The following DPP6 variants were observed in gnomAD, a reference collection of about 807,000 sequenced individuals.
DPP6 encodes A-type potassium channel modulatory protein DPP6.
Under a neutral mutation model 122.6 loss-of-function variants are expected in DPP6, and 69 were observed. The ratio of observed to expected loss-of-function variants is 0.56; its 90% CI spans 0.46 to 0.69. The LOEUF (loss-of-function observed/expected upper bound fraction) is 0.69. Among genes scored for constraint, DPP6 ranks in the 30% least tolerant of loss-of-function variants. DPP6 has a pLI of 0.00. For synonymous variants in DPP6, 418 were observed against 433.1 expected, an observed-to-expected ratio of 0.97 and a Z score of 0.43; for missense variants, 928 against 1,116.9, an observed-to-expected ratio of 0.83 and a Z score of 2.41.
chr7:154,408,957 A>G (rs1023808213), intron 1 of DPP6, among the ~76,000 whole-genome samples: 4 of 152,126 alleles, frequency 2.6e-5, no homozygotes, highest in African/African-American at 9.7e-5. Flanking sequence ...CCTGACCAAC[A>G]TGGTGAAACC....
rs1233108779 is a variant in DPP6, at chr7:154,893,279, AG to A, written c.*804del. On this transcript the variant is annotated 3_prime_UTR_variant, in exon 26 of 26. Coordinates refer to ENST00000377770, the MANE Select transcript of DPP6 (RefSeq NM_130797.4). ...GTCTTGGGGACGTTCCTAAACACTG[AG>A]GGGGAAGACAGCCAATAGCACCCAT... The A allele has an allele frequency of 4.1e-6, 1 of 246,732 alleles. No homozygotes were observed. Among genetic ancestry groups the A allele is most frequent in the Non-Finnish European group, 8.1e-6 (1 of 124,180 alleles). 15.3% of individuals were successfully genotyped at this position (246,732 alleles called of 1,614,324 possible).
At chr7:154,410,944 C>T (rs1478768926) in intron 1 of DPP6, among the ~76,000 whole-genome samples, 1 of 152,170 alleles carries the variant, frequency 6.6e-6, no homozygotes, top group Non-Finnish European at 1.5e-5. Context: ...TTTTAGCTGA[C>T]TCTTAGAAAT....
chr7:154,037,803 T>G (rs2533774), intron 1 of DPP6, among the ~76,000 whole-genome samples: 3,339 of 110,888 alleles, frequency 0.03, 77 homozygotes, highest in Middle Eastern at 0.079. Flanking sequence ...AGCTTCCTCT[T>G]GATGGAAGCT....
chr7:153,835,887 G>T, the DPP6 span, among the ~76,000 whole-genome samples: 3 of 152,158 alleles, frequency 2.0e-5, no homozygotes, highest in Non-Finnish European at 4.4e-5. Context: ...CAGTCCAGGG[G>T]GTGGAATTAT....
intron 1 of DPP6, among the ~76,000 whole-genome samples, chr7:153,889,606 A>AC (rs1434745187): frequency 1.4e-4 from 21 of 151,866 alleles, no homozygotes; most frequent in Admixed American, 1.4e-3. Context: ...CCTCCCCCTA[A>AC]CCCCTCTCTG....
Position 154,403,659 on chromosome 7 carries a change from A to C in DPP6, c.244-42555A>C, listed in dbSNP as rs1001111508. Among the ~76,000 whole-genome samples, 3 of 152,192 alleles carry C rather than the reference A, an allele frequency of 2.0e-5. No individual in the cohort carries two copies. The highest frequency in any genetic ancestry group is 4.4e-5 in the Non-Finnish European group (3 of 68,036). Reference sequence around the variant, plus strand: ...TGGAACCTGTTTGGGGCACGTGAAGAGTGGGCCAGAGTGCCAGGGAGGCAG... The same window carrying C: ...TGGAACCTGTTTGGGGCACGTGAAGCGTGGGCCAGAGTGCCAGGGAGGCAG... On this transcript the variant is annotated intron_variant, in intron 1 of 25. Transcript: ENST00000377770. This position sits in a 1 kb window ranked among gnomAD's most constrained non-coding sequence, Gnocchi z 4.1.
intron 7 of DPP6, among the ~76,000 whole-genome samples, chr7:154,691,341 G>A (rs1310693521): frequency 1.3e-5 from 2 of 152,118 alleles, no homozygotes; most frequent in South Asian, 2.1e-4. Flanking sequence ...TGGAGAGTGA[G>A]CCTCAGGCCC....
At chr7:154,142,440 G>A (rs192410658) in intron 1 of DPP6, among the ~76,000 whole-genome samples, 2 of 152,028 alleles carry the variant, frequency 1.3e-5, no homozygotes, top group South Asian at 4.2e-4. Flanking sequence ...CCCCAAATAT[G>A]TGCAGAAGTG....
At chr7:154,878,526 A>G (rs998504709) in intron 20 of DPP6, among the ~76,000 whole-genome samples, 1 of 152,222 alleles carries the variant, frequency 6.6e-6, no homozygotes, top group African/African-American at 2.4e-5. Context: ...CTGCATTTTC[A>G]TTCATCAGAA....
At chr7:154,413,873 A>G (rs1375070408) in intron 1 of DPP6, among the ~76,000 whole-genome samples, 1 of 152,210 alleles carries the variant, frequency 6.6e-6, no homozygotes, top group Non-Finnish European at 1.5e-5. Context: ...TTGCTTTTTC[A>G]TGAAAAGTAG....
chr7:154,365,831 G>A (rs1436344329), intron 1 of DPP6, among the ~76,000 whole-genome samples: 1 of 152,032 alleles, frequency 6.6e-6, no homozygotes. Flanking sequence ...GGTGGCGGAC[G>A]CCTGTAGTCC....
At chr7:154,636,451 G>A (rs917209494) in intron 5 of DPP6, among the ~76,000 whole-genome samples, 1 of 152,194 alleles carries the variant, frequency 6.6e-6, no homozygotes, top group African/African-American at 2.4e-5. Context: ...TTAAGTTCCT[G>A]TGTTCCTTAT....
intron 1 of DPP6, among the ~76,000 whole-genome samples, chr7:154,070,826 A>G (rs1227608450): frequency 1.3e-5 from 2 of 152,222 alleles, no homozygotes; most frequent in African/African-American, 4.8e-5. Flanking sequence ...CCATGGGCCA[A>G]ACTCTGGAAA....
intron 8 of DPP6, among the ~76,000 whole-genome samples, chr7:154,761,609 C>T (rs956373875): frequency 1.6e-4 from 25 of 152,254 alleles, no homozygotes; most frequent in East Asian, 7.7e-4. Context: ...CTTCCAGTCA[C>T]GGCAGAAGGC....
chr7:154,077,799 T>A (rs1314652851), intron 1 of DPP6, among the ~76,000 whole-genome samples: 3 of 151,560 alleles, frequency 2.0e-5, no homozygotes, highest in Non-Finnish European at 2.9e-5. Context: ...GCCTCTCGAG[T>A]AGCTGAGACT....
At chr7:154,805,715 T>A (rs1486191740) in intron 15 of DPP6, among the ~76,000 whole-genome samples, 1 of 152,092 alleles carries the variant, frequency 6.6e-6, no homozygotes, top group Non-Finnish European at 1.5e-5. Context: ...TCTTCTACAT[T>A]TAGTCCTGTC....
intron 1 of DPP6, among the ~76,000 whole-genome samples, chr7:154,166,400 T>G (rs1202832536): frequency 3.9e-5 from 6 of 152,054 alleles, no homozygotes; most frequent in Non-Finnish European, 7.4e-5. Context: ...GCTCAGGAGC[T>G]GCAAGGGAGC....
chr7:154,438,386 C>T (rs765579153), intron 1 of DPP6, among the ~76,000 whole-genome samples: 7 of 130,514 alleles, frequency 5.4e-5, no homozygotes, highest in Non-Finnish European at 9.4e-5. Flanking sequence ...AGGAGAACGG[C>T]GTGAACCCAG....
chr7:154,148,946 C>T (rs1443906603), intron 1 of DPP6, among the ~76,000 whole-genome samples: 6 of 152,068 alleles, frequency 3.9e-5, no homozygotes, highest in African/African-American at 1.2e-4. Flanking sequence ...TGTGTGCTGA[C>T]GTGTGTATAA....
Sources: gnomAD v4.1 joint callset for allele counts (sites outside exome capture counted in the v4.1 genomes callset) on GRCh38, gnomAD v4.1.1 for gene constraint, Gnocchi (gnomAD v3.1) non-coding constraint, MANE v1.5 for transcripts, NCBI Gene and HGNC (gene_info 2026-07-23, HGNC 2026-07-21) for gene names.